The following SHLD2 variants were observed in gnomAD, a reference collection of about 807,000 sequenced individuals.
SHLD2 encodes RINN1-REV7-interacting novel NHEJ regulator 2.
In SHLD2, 30 loss-of-function variants were observed where a neutral mutation model predicts 73.2. The observed-to-expected ratio is 0.41, with a 90% CI of 0.31 to 0.56. SHLD2 has a LOEUF of 0.56. Ranked by LOEUF, SHLD2 falls within the 20% of genes least tolerant of loss-of-function variation. The pLI is 0.28. For missense variants in SHLD2, 745 were observed against 1,055.9 expected (o/e 0.71, Z 4.08); for synonymous variants, 285 against 370.1 (o/e 0.77, Z 2.64).
intron 7 of SHLD2, among the ~76,000 whole-genome samples, 154 bp from the exon 8 acceptor site, chr10:87,179,921 T>C (rs1231576617): frequency 1.3e-5 from 2 of 152,208 alleles, no homozygotes; most frequent in African/African-American, 4.8e-5. Flanking sequence ...TGCCCTTAGA[T>C]TCTAGGAAAA....
At chr10:87,141,946 G>C (rs1199357148) in intron 2 of SHLD2, among the ~76,000 whole-genome samples, 1 of 151,506 alleles carries the variant, frequency 6.6e-6, no homozygotes, top group Non-Finnish European at 1.5e-5. Context: ...CGGGAGAATT[G>C]CTTGAACCTG....
intron 7 of SHLD2, among the ~76,000 whole-genome samples, chr10:87,178,810 G>A (rs763975093): frequency 2.6e-5 from 4 of 152,160 alleles, no homozygotes; most frequent in African/African-American, 4.8e-5. Context: ...ATATTCGATC[G>A]CTACACACTC....
chr10:87,157,876 G>T lies in SHLD2; in HGVS notation c.1526-172G>T, dbSNP rs569296120. 1.6e-3 allele frequency among the ~76,000 whole-genome samples: 240 copies of T among 152,270 alleles called. 1 individual carries two copies. Among genetic ancestry groups the T allele is most frequent in the African/African-American group, 5.5e-3 (228 of 41,552 alleles). On this transcript the variant is annotated intron_variant, in intron 3 of 9. Coordinates refer to ENST00000298786, the MANE Select transcript of SHLD2 (RefSeq NM_001330112.2). ...AATTTTGTTAATTTACCTAGATTTA[G>T]ATTTTAGATTTGCTGTTTTCTTATT...
Position 87,176,007 on chromosome 10 carries a change from A to G in SHLD2, c.2082A>G (p.Ala694=). 1 of 1,549,290 alleles carries G rather than the reference A, an allele frequency of 6.5e-7. No homozygotes were observed. Among genetic ancestry groups the G allele is most frequent in the Non-Finnish European group, 8.7e-7 (1 of 1,146,844 alleles). The change falls in exon 7 of 10, where the codon GCA becomes GCG. Residue 694 remains alanine (A), a synonymous_variant. Transcript: ENST00000298786. The part of the protein sequence containing the change: ...CECLFDDDIR[A]ITFKAKFQKS... The stretch of plus-strand genomic sequence containing the variant: ...GCTTGTTTGATGATGATATAAGGGC[A>G]ATTACATTTAAAGCAAAATTTCAAA...
chr10:87,120,408 C>T lies in SHLD2; in HGVS notation c.-6+23419C>T, dbSNP rs574577374. Among the ~76,000 whole-genome samples the T allele has an allele frequency of 1.1e-4, 17 of 152,050 alleles. No homozygotes were observed. In the East Asian group the frequency reaches 2.1e-3, roughly 19 times the overall value. ...GAATACAGGTGCCCGCCACCACGCC[C>T]GGCTGATTTTTTCTATTTTTAGTAG... On this transcript the variant is annotated intron_variant, in intron 2 of 9. Coordinates refer to ENST00000298786, the MANE Select transcript of SHLD2 (RefSeq NM_001330112.2).
At chr10:87,156,127 C>T (rs1427867877) in intron 3 of SHLD2, among the ~76,000 whole-genome samples, 1 of 147,650 alleles carries the variant, frequency 6.8e-6, no homozygotes, top group Non-Finnish European at 1.5e-5. Context: ...AGTGCAGTGG[C>T]GCGATCTCGG....
intron 2 of SHLD2, among the ~76,000 whole-genome samples, chr10:87,098,481 C>G (rs924410204): frequency 2.7e-5 from 4 of 150,490 alleles, no homozygotes; most frequent in Non-Finnish European, 5.9e-5. Context: ...CCATTGCACT[C>G]CAGCCTGGGT....
intron 4 of SHLD2, among the ~76,000 whole-genome samples, chr10:87,163,961 C>CTTTTT (rs201405790): frequency 2.5e-5 from 3 of 117,902 alleles, no homozygotes; most frequent in Non-Finnish European, 5.5e-5. Context: ...CTTTTCTTTT[C>CTTTTT]TTTTTTTTTT....
chr10:87,101,331 T>C (rs1264097074), intron 2 of SHLD2, among the ~76,000 whole-genome samples: 3 of 152,196 alleles, frequency 2.0e-5, no homozygotes, highest in Non-Finnish European at 4.4e-5. Flanking sequence ...ATATTTGTTA[T>C]TTCAAAATAA....
intron 8 of SHLD2, among the ~76,000 whole-genome samples, chr10:87,184,178 C>T (rs535750630): frequency 5.6e-4 from 86 of 152,270 alleles, no homozygotes; most frequent in African/African-American, 1.8e-3. Flanking sequence ...TGGGCACAAT[C>T]GTCGCATCAT....
intron 2 of SHLD2, among the ~76,000 whole-genome samples, chr10:87,117,178 G>T (rs1015871111): frequency 4.6e-5 from 7 of 152,206 alleles, no homozygotes; most frequent in Admixed American, 3.9e-4. Context: ...CCAGCACTTT[G>T]GGAGGCCGAG....
chr10:87,099,475 G>A (rs7067675), intron 2 of SHLD2, among the ~76,000 whole-genome samples: 9 of 151,978 alleles, frequency 5.9e-5, no homozygotes, highest in Non-Finnish European at 7.4e-5. Context: ...AGGTTTATGC[G>A]TGTAGCATGT....
intron 2 of SHLD2, among the ~76,000 whole-genome samples, chr10:87,109,368 G>A (rs1486163258): frequency 3.3e-5 from 5 of 150,176 alleles, no homozygotes; most frequent in Admixed American, 1.3e-4. Context: ...GCTCGATCTC[G>A]GCTCACTGCA....
chr10:87,129,140 G>T (rs1844250388), intron 2 of SHLD2, among the ~76,000 whole-genome samples: 1 of 152,130 alleles, frequency 6.6e-6, no homozygotes, highest in Admixed American at 6.5e-5. Flanking sequence ...GCCCAGGCTG[G>T]AGTGCAGTGG....
chr10:87,104,880 T>C (rs1184270955), intron 2 of SHLD2, among the ~76,000 whole-genome samples: 1 of 152,088 alleles, frequency 6.6e-6, no homozygotes, highest in Non-Finnish European at 1.5e-5. Flanking sequence ...AGGCTGCTCT[T>C]GAACTCCTGA....
intron 2 of SHLD2, among the ~76,000 whole-genome samples, chr10:87,150,913 G>A (rs1410558822): frequency 6.6e-6 from 1 of 151,796 alleles, no homozygotes; most frequent in Non-Finnish European, 1.5e-5. Context: ...TGCAACCTCC[G>A]CCTCCTGGGT....
intron 4 of SHLD2, among the ~76,000 whole-genome samples, chr10:87,165,312 G>A (rs575865691): frequency 1.3e-4 from 20 of 152,240 alleles, no homozygotes; most frequent in Admixed American, 1.1e-3. Context: ...GAAAGTTTGA[G>A]GAGAGAGAGC....
upstream of SHLD2, chr10:87,094,508 C>A: frequency 2.5e-6 from 4 of 1,613,352 alleles, no homozygotes; most frequent in African/African-American, 2.7e-5. The surrounding 1 kb of genome is among the most constrained non-coding windows in gnomAD (Gnocchi z 6.6). Context: ...GTCCTCAGGT[C>A]CTCCACCAGC....
intron 2 of SHLD2, among the ~76,000 whole-genome samples, chr10:87,122,705 A>G (rs1185440298): frequency 6.6e-6 from 1 of 152,212 alleles, no homozygotes; most frequent in Non-Finnish European, 1.5e-5. Flanking sequence ...ATAGTAAAAG[A>G]TTTCATTTTG....
Sources: gnomAD v4.1 joint callset for allele counts (sites outside exome capture counted in the v4.1 genomes callset) on GRCh38, gnomAD v4.1.1 for gene constraint, Gnocchi (gnomAD v3.1) non-coding constraint, MANE v1.5 for transcripts, NCBI Gene and HGNC (gene_info 2026-07-23, HGNC 2026-07-21) for gene names.